SIM1: variants seen among roughly 807,000 people sequenced by gnomAD.
The protein encoded by SIM1 is single-minded homolog 1.
A neutral mutation model predicts 78.2 loss-of-function variants in SIM1; 18 were observed. The observed-to-expected ratio is 0.23, with a 90% CI of 0.16 to 0.34. The LOEUF (loss-of-function observed/expected upper bound fraction) is 0.34. Ranked by LOEUF, SIM1 falls within the 10% of genes least tolerant of loss-of-function variation. SIM1 has a pLI of 1.00. For missense variants in SIM1, 939 were observed against 975.1 expected (o/e 0.96, Z 0.49); for synonymous variants, 417 against 385.2 (o/e 1.08, Z -0.97).
intron 11 of SIM1, 132 bp from the exon 12 acceptor site, chr6:100,391,223 C>T: frequency 8.1e-6 from 8 of 983,302 alleles, no homozygotes; most frequent in Non-Finnish European, 8.6e-6. Flanking sequence ...GAAACAGGCT[C>T]ACATGATGTG....
chr6:100,412,307 C>T (rs1318233067), intron 10 of SIM1, among the ~76,000 whole-genome samples: 6 of 151,942 alleles, frequency 3.9e-5, no homozygotes, highest in African/African-American at 1.4e-4. Flanking sequence ...GAGGCCGAAG[C>T]GGGTGGATCA....
chr6:100,448,289 C>T (rs1476566978), intron 7 of SIM1, 37 bp from the exon 8 acceptor site: 7 of 1,534,572 alleles, frequency 4.6e-6, no homozygotes, highest in Admixed American at 1.8e-5. Flanking sequence ...AATGCAGGCG[C>T]GGGTGCAGGG....
chr6:100,424,933 T>C (rs954310900), intron 9 of SIM1, among the ~76,000 whole-genome samples: 20 of 152,216 alleles, frequency 1.3e-4, no homozygotes, highest in African/African-American at 4.8e-4. Flanking sequence ...TAAAAACCTT[T>C]TGCTGTATTT....
chr6:100,406,077 C>T (rs550604583), intron 10 of SIM1, among the ~76,000 whole-genome samples: 1 of 152,286 alleles, frequency 6.6e-6, no homozygotes, highest in African/African-American at 2.4e-5. Context: ...TCCTTTATGT[C>T]ATGGCATCCA....
chr6:100,426,177 C>T (rs1399286353), intron 9 of SIM1, among the ~76,000 whole-genome samples: 1 of 152,220 alleles, frequency 6.6e-6, no homozygotes, highest in East Asian at 1.9e-4. Flanking sequence ...GGTGCCTCAG[C>T]TCTGAAAGCA....
At chr6:100,428,682 G>A (rs1771807690) in intron 9 of SIM1, among the ~76,000 whole-genome samples, 1 of 145,144 alleles carries the variant, frequency 6.9e-6, no homozygotes, top group Admixed American at 6.7e-5. Flanking sequence ...ATCCGAGGGA[G>A]TACATTCTAA....
chr6:100,405,592 G>C (rs1771032931), intron 10 of SIM1, among the ~76,000 whole-genome samples: 1 of 151,274 alleles, frequency 6.6e-6, no homozygotes, highest in Non-Finnish European at 1.5e-5. Flanking sequence ...GTCATATTTA[G>C]CTCAAAAACA....
At chr6:100,443,916 T>C (rs909853411) in intron 9 of SIM1, among the ~76,000 whole-genome samples, 10 of 152,136 alleles carry the variant, frequency 6.6e-5, no homozygotes, top group African/African-American at 9.6e-5. Flanking sequence ...TTCATTTACT[T>C]CTCTTTTAAC....
chr6:100,403,568 A>G (rs1582611561), intron 10 of SIM1, among the ~76,000 whole-genome samples: 1 of 152,372 alleles, frequency 6.6e-6, no homozygotes, highest in East Asian at 1.9e-4. Flanking sequence ...AATAATGCAC[A>G]GAATATAACT....
chr6:100,412,275 G>A (rs544821660), intron 10 of SIM1, among the ~76,000 whole-genome samples: 8 of 152,138 alleles, frequency 5.3e-5, no homozygotes, highest in South Asian at 2.1e-4. Flanking sequence ...GGTAGCTTGC[G>A]CCTGTTATCC....
At position 100,389,705 on chromosome 6, in the gene SIM1, T is replaced by C. The variant is rs1770588292; in HGVS notation, c.*656A>G. 2.5e-6 allele frequency: 1 copy of C among 398,828 alleles called. No homozygotes were observed. Among genetic ancestry groups the C allele is most frequent in the South Asian group, 1.3e-4 (1 of 7,860 alleles). The allele number at this position is 398,828 out of a possible 1,614,324, so 24.7% of individuals were successfully genotyped here. ...GTCCTTGTCTAACTGAAAAGCAAGG[T>C]GAAAAATTACCTCTTCCTGATTGTT... On this transcript the variant is annotated 3_prime_UTR_variant, in exon 12 of 12. Coordinates refer to ENST00000369208, the MANE Select transcript of SIM1 (RefSeq NM_005068.3).
At chr6:100,443,085 A>G (rs765389183) in intron 9 of SIM1, among the ~76,000 whole-genome samples, 1 of 152,068 alleles carries the variant, frequency 6.6e-6, no homozygotes, top group Non-Finnish European at 1.5e-5. Context: ...ATTGACATGA[A>G]GGAAGTACTG....
chr6:100,449,071 G>A (rs1582318112), intron 6 of SIM1, among the ~76,000 whole-genome samples: 2 of 152,106 alleles, frequency 1.3e-5, no homozygotes, highest in East Asian at 3.8e-4. Flanking sequence ...AAAGTTACTC[G>A]CCCATTCAGA....
chr6:100,460,573 A>C (rs923317808), intron 2 of SIM1, among the ~76,000 whole-genome samples: 15 of 152,214 alleles, frequency 9.9e-5, no homozygotes, highest in Non-Finnish European at 1.9e-4. Context: ...CCTACTATGT[A>C]CTAGGGTGGC....
intron 8 of SIM1, 49 bp from the exon 9 acceptor site, chr6:100,447,464 C>T: frequency 6.2e-7 from 1 of 1,610,120 alleles, no homozygotes; most frequent in East Asian, 2.2e-5. Context: ...CTGCCTGGGA[C>T]TGGCCCCAAA....
intron 9 of SIM1, among the ~76,000 whole-genome samples, chr6:100,443,805 A>G (rs1254787714): frequency 6.6e-6 from 1 of 152,150 alleles, no homozygotes; most frequent in Non-Finnish European, 1.5e-5. Context: ...AAAAAAATAC[A>G]CATTAAAAAT....
At chr6:100,412,679 AAGAAAAAGAAAG>A (rs1230506802) in intron 10 of SIM1, among the ~76,000 whole-genome samples, 6 of 119,574 alleles carry the variant, frequency 5.0e-5, no homozygotes, top group Admixed American at 9.4e-5. Flanking sequence ...GAGAGAAAGA[AAGAAAAAGAAAG>A]AAAGAAAGAA....
chr6:100,449,727 C>G (rs1003886037), intron 4 of SIM1, 28 bp from the exon 5 acceptor site: 2 of 1,584,302 alleles, frequency 1.3e-6, no homozygotes, highest in African/African-American at 1.3e-5. Flanking sequence ...TCGCCGTCGC[C>G]GTGGCGGTGG....
In SIM1 at chr6:100,388,149, T is replaced by C. The variant is rs933379066; in HGVS notation, c.*2212A>G. 6.6e-6 allele frequency: 1 copy of C among 152,202 alleles called. No individual in the cohort carries two copies. Among genetic ancestry groups the C allele is most frequent in the African/African-American group, 2.4e-5 (1 of 41,464 alleles). 9.4% of individuals were successfully genotyped at this position (152,202 alleles called of 1,614,324 possible). On this transcript the variant is annotated 3_prime_UTR_variant, in exon 12 of 12. Transcript: ENST00000369208. ...CAAAATTACTAAATACTCTTTTTTG[T>C]ATAATTCAAAACTTAGTTTTTATTG...
Sources: gnomAD v4.1 joint callset for allele counts (sites outside exome capture counted in the v4.1 genomes callset) on GRCh38, gnomAD v4.1.1 for gene constraint, MANE v1.5 for transcripts, NCBI Gene and HGNC (gene_info 2026-07-23, HGNC 2026-07-21) for gene names.